GPC3: variants seen among roughly 807,000 people sequenced by gnomAD.
GPC3 encodes glypican-3.
A neutral mutation model predicts 34.4 loss-of-function variants in GPC3; 3 were observed. The ratio of observed to expected loss-of-function variants is 0.09; its 90% CI spans 0.04 to 0.23. The LOEUF (loss-of-function observed/expected upper bound fraction) is 0.23. Ranked by LOEUF, GPC3 falls within the 10% of genes least tolerant of loss-of-function variation. The pLI, the probability that GPC3 is intolerant of heterozygous loss-of-function variation, is 1.00. For synonymous variants in GPC3, 177 were observed against 174.0 expected, an observed-to-expected ratio of 1.02 and a Z score of -0.13; for missense variants, 351 against 445.6, an observed-to-expected ratio of 0.79 and a Z score of 1.91.
chrX:133,643,613 A>C (rs1801760163), intron 6 of GPC3, among the ~76,000 whole-genome samples: 1 of 111,631 alleles, frequency 9.0e-6, no homozygotes, highest in African/African-American at 3.3e-5. Flanking sequence ...ACATACATAT[A>C]TACACATTAA....
chrX:133,661,568 T>C (rs866187770), intron 6 of GPC3, among the ~76,000 whole-genome samples, 162 bp downstream of exon 6: 521 of 15,960 alleles, frequency 0.033, 1 homozygote, highest in African/African-American at 0.083. Context: ...ATATCTCTCT[T>C]TCTCTCTCTC....
Position 133,961,538 on chromosome X carries a change from A to C in GPC3, c.176-8327T>G, listed in dbSNP as rs139441894. 6.6e-4 allele frequency among the ~76,000 whole-genome samples: 74 copies of C among 111,611 alleles called. 1 individual carries two copies. In the East Asian group the frequency reaches 0.018, roughly 27 times the overall value. Reference sequence around the variant, plus strand: ...GGTCAACATGTGCTCTGAGAATACAAATTCACGGATTATATCCACCTTGCC... The same window carrying C: ...GGTCAACATGTGCTCTGAGAATACACATTCACGGATTATATCCACCTTGCC... On this transcript the variant is annotated intron_variant, in intron 1 of 7. Transcript: ENST00000370818.
chrX:133,910,389 A>G (rs1037202542), intron 2 of GPC3, among the ~76,000 whole-genome samples: 7 of 111,791 alleles, frequency 6.3e-5, no homozygotes, highest in African/African-American at 2.3e-4. Context: ...TCAAAACATC[A>G]TATAACCATG....
chrX:133,838,889 A>T (rs2075810904), intron 2 of GPC3, among the ~76,000 whole-genome samples: 1 of 111,825 alleles, frequency 8.9e-6, no homozygotes, highest in Non-Finnish European at 1.9e-5. Flanking sequence ...CAATGGGCTG[A>T]TGGGGCAAGA....
At chrX:133,718,144 T>C (rs1451100238) in intron 3 of GPC3, among the ~76,000 whole-genome samples, 2 of 112,088 alleles carry the variant, frequency 1.8e-5, no homozygotes, top group Non-Finnish European at 3.8e-5. Context: ...TAGGTTAATA[T>C]GGAAAACAGT....
At chrX:133,753,241 G>T (rs1028488810) in intron 3 of GPC3, among the ~76,000 whole-genome samples, 2 of 111,798 alleles carry the variant, frequency 1.8e-5, no homozygotes, top group Non-Finnish European at 3.8e-5. Context: ...TCAGAAAAAT[G>T]AACTCATAAA....
rs2076448458 is a variant in GPC3, at chrX:133,963,088, C to T, written c.176-9877G>A. 4.5e-5 allele frequency among the ~76,000 whole-genome samples: 5 copies of T among 112,322 alleles called. No individual in the cohort carries two copies. In the South Asian group the frequency reaches 1.1e-3, roughly 25 times the overall value. On this transcript the variant is annotated intron_variant, in intron 1 of 7. Coordinates refer to ENST00000370818, the MANE Select transcript of GPC3 (RefSeq NM_004484.4). Reference sequence around the variant, plus strand: ...ACAAAAGAAGCAAAGGACTTGCTTTCGCCCTTTTAGGAACGCTTTGTCAAT... The same window carrying T: ...ACAAAAGAAGCAAAGGACTTGCTTTTGCCCTTTTAGGAACGCTTTGTCAAT...
chrX:133,770,957 G>A (rs2071911882), intron 2 of GPC3, among the ~76,000 whole-genome samples: 1 of 111,687 alleles, frequency 9.0e-6, no homozygotes, highest in South Asian at 3.8e-4. Flanking sequence ...ATGGGGGGAA[G>A]GAGTGAATCA....
At chrX:133,680,085 T>G (rs1248755995) in intron 5 of GPC3, among the ~76,000 whole-genome samples, 1 of 111,805 alleles carries the variant, frequency 8.9e-6, no homozygotes, top group Non-Finnish European at 1.9e-5. Context: ...GACAAAGGTG[T>G]GGACAGGAGG....
At chrX:133,655,636 T>C (rs191058926) in intron 6 of GPC3, among the ~76,000 whole-genome samples, 2 of 111,813 alleles carry the variant, frequency 1.8e-5, no homozygotes, top group Non-Finnish European at 1.9e-5. Context: ...AGGTCTTTTA[T>C]TTAAAGTTGA....
At chrX:133,784,474 C>T in intron 2 of GPC3, among the ~76,000 whole-genome samples, 1 of 111,023 alleles carries the variant, frequency 9.0e-6, no homozygotes, top group Non-Finnish European at 1.9e-5. Context: ...TGACCAGCTC[C>T]TCGGCAGAGC....
At chrX:133,560,305 C>T (rs1020465047) in intron 7 of GPC3, among the ~76,000 whole-genome samples, 2 of 112,151 alleles carry the variant, frequency 1.8e-5, no homozygotes, top group Non-Finnish European at 3.8e-5. Flanking sequence ...ATGTGAGATG[C>T]CAGTTATTCA....
chrX:133,657,238 T>G (rs1316003626), intron 6 of GPC3, among the ~76,000 whole-genome samples: 5 of 111,940 alleles, frequency 4.5e-5, no homozygotes, highest in Non-Finnish European at 7.5e-5. Flanking sequence ...GTTTAGGGAC[T>G]ACTAAATTAG....
intron 2 of GPC3, among the ~76,000 whole-genome samples, chrX:133,791,839 TCCTTCCTTCCTC>T (rs1179036794): frequency 0.017 from 937 of 53,613 alleles, 18 homozygotes; most frequent in African/African-American, 0.049. Context: ...CTTCCTTCCT[TCCTTCCTTCCTC>T]CCTCCCTCCC....
At chrX:133,540,039 A>G (rs947640273) in intron 7 of GPC3, among the ~76,000 whole-genome samples, 2 of 112,563 alleles carry the variant, frequency 1.8e-5, no homozygotes, top group African/African-American at 6.4e-5. Flanking sequence ...TGGCAAGGGA[A>G]ATTGATCAAG....
chrX:133,540,915 GGTGTGT>G (rs369378252), intron 7 of GPC3, among the ~76,000 whole-genome samples: 3,570 of 91,610 alleles, frequency 0.039, 180 homozygotes, highest in African/African-American at 0.13. Flanking sequence ...ACATTGTTGT[GGTGTGT>G]GTGTGTGTGT....
intron 6 of GPC3, among the ~76,000 whole-genome samples, chrX:133,632,428 C>T (rs1486924191): frequency 8.9e-6 from 1 of 111,855 alleles, no homozygotes; most frequent in East Asian, 2.8e-4. Flanking sequence ...AGCAACACAA[C>T]ATATGTGCTC....
chrX:133,780,647 G>A (rs1484920667), intron 2 of GPC3, among the ~76,000 whole-genome samples: 3 of 111,442 alleles, frequency 2.7e-5, no homozygotes, highest in South Asian at 3.9e-4. Context: ...TCACAGAGCC[G>A]GACCTGCAGT....
chrX:133,958,262 T>C (rs1202879734), intron 1 of GPC3, among the ~76,000 whole-genome samples: 1 of 111,927 alleles, frequency 8.9e-6, no homozygotes, highest in Non-Finnish European at 1.9e-5. Flanking sequence ...AAGTGGAGTC[T>C]GGGCATGGTG....
Sources: allele counts gnomAD v4.1 joint callset (sites outside exome capture counted in the v4.1 genomes callset), GRCh38; gene constraint gnomAD v4.1.1; transcripts MANE v1.5; gene names NCBI Gene and HGNC (gene_info 2026-07-23, HGNC 2026-07-21).